The following ADCY10 variants were observed in gnomAD, a reference collection of about 807,000 sequenced individuals.
ADCY10 encodes the protein adenylate cyclase type 10.
Under a neutral mutation model 183.3 loss-of-function variants are expected in ADCY10, and 156 were observed. The ratio of observed to expected loss-of-function variants is 0.85; its 90% CI spans 0.75 to 0.97. The LOEUF is 0.97. Ranked by LOEUF, ADCY10 falls within the 50% of genes least tolerant of loss-of-function variation. The pLI is 0.00. For missense variants in ADCY10, 1,745 were observed against 1,934.3 expected, an observed-to-expected ratio of 0.90 and a Z score of 1.84; for synonymous variants, 645 against 670.0, an observed-to-expected ratio of 0.96 and a Z score of 0.58.
chr1:167,911,310 G>A (rs919889455), intron 1 of ADCY10, among the ~76,000 whole-genome samples: 2 of 152,186 alleles, frequency 1.3e-5, no homozygotes, highest in African/African-American at 4.8e-5. Flanking sequence ...TCAAAGACCT[G>A]TGCTAACATT....
intron 23 of ADCY10, among the ~76,000 whole-genome samples, chr1:167,835,760 T>C (rs980713701): frequency 4.6e-5 from 7 of 152,100 alleles, no homozygotes; most frequent in African/African-American, 1.4e-4. Flanking sequence ...CATGGTGGCA[T>C]ACGTCTGCAG....
At chr1:167,863,154 A>T (rs529942423) in intron 14 of ADCY10, among the ~76,000 whole-genome samples, 15 of 152,294 alleles carry the variant, frequency 9.8e-5, no homozygotes, top group African/African-American at 2.6e-4. Context: ...AAGTGAAATT[A>T]AAGGCAGATA....
intron 30 of ADCY10, chr1:167,819,810 CG>C: frequency 1.7e-6 from 1 of 573,668 alleles, no homozygotes; most frequent in Admixed American, 2.9e-5. Flanking sequence ...GGTGATCTGC[CG>C]GCCTCGGCCT....
intron 19 of ADCY10, among the ~76,000 whole-genome samples, chr1:167,847,145 T>C (rs1327428148): frequency 6.6e-6 from 1 of 151,998 alleles, no homozygotes; most frequent in East Asian, 1.9e-4. Context: ...CAGGCTGGTC[T>C]CGAACTCCTG....
rs1482532266 is a variant in ADCY10 at position 167,883,607 on chromosome 1, C to A, written c.850G>T (p.Gly284Cys). The A allele has an allele frequency of 3.1e-6, 5 of 1,614,016 alleles. No homozygotes were observed. The highest frequency in any genetic ancestry group is 3.4e-6 in the Non-Finnish European group (4 of 1,180,042). Residue 284 changes from glycine (G) to cysteine (C), a missense_variant, in exon 9 of 33, where the codon GGC (glycine) becomes TGC (cysteine). By Grantham distance (159) the Gly-to-Cys change is radical (BLOSUM62 -3). Transcript: ENST00000367851. ...LKQIDNKQLQ[G>C]YLSELRPVTI... is the part of the protein sequence containing the mutation. ...ACTGGGCGAAGCTCAGATAAATAGC[C>A]CTGAAGCTGTTTGTTATCAATCTGC...
At chr1:167,883,961 T>C (rs1220830234) in intron 8 of ADCY10, among the ~76,000 whole-genome samples, 1 of 152,192 alleles carries the variant, frequency 6.6e-6, no homozygotes, top group Non-Finnish European at 1.5e-5. Flanking sequence ...AATTTAAAAT[T>C]TTTTAATTTT....
intron 30 of ADCY10, chr1:167,819,971 GT>G: frequency 7.2e-7 from 1 of 1,379,430 alleles, no homozygotes; most frequent in Non-Finnish European, 1.0e-6. Context: ...TTCTTCCATT[GT>G]TTTGCCACTA....
At chr1:167,886,134 A>G (rs1558234222) in intron 8 of ADCY10, among the ~76,000 whole-genome samples, 1 of 152,174 alleles carries the variant, frequency 6.6e-6, no homozygotes, top group African/African-American at 2.4e-5. Flanking sequence ...AAGGTAATTT[A>G]TAGATTCCAT....
At position 167,874,934 on chromosome 1, in the gene ADCY10, T is replaced by C. The variant is rs140036398; in HGVS notation, c.1462+197A>G. Among the ~76,000 whole-genome samples the C allele has an allele frequency of 5.9e-5, 9 of 152,308 alleles. 1 individual carries two copies. The East Asian group carries it at 1.7e-3, about 29-fold the overall frequency. On this transcript the variant is annotated intron_variant, in intron 13 of 32. Transcript: ENST00000367851. ...TTAAACAGGCATAAGTAATCGAGGG[T>C]GTTAGAAGACTTTGGGGAAAGGAAG...
intron 21 of ADCY10, 69 bp downstream of exon 21, chr1:167,845,494 C>T (rs1182361439): frequency 9.1e-6 from 14 of 1,532,874 alleles, no homozygotes; most frequent in Non-Finnish European, 1.3e-5. Flanking sequence ...TCCACACCCA[C>T]TCCTTCTAGA....
chr1:167,812,008 C>T (rs960943534), intron 31 of ADCY10, among the ~76,000 whole-genome samples: 12 of 152,322 alleles, frequency 7.9e-5, no homozygotes, highest in African/African-American at 2.6e-4. Context: ...TCAGTTTCAG[C>T]TCTTAGCACA....
chr1:167,903,656 C>A (rs1669597602), intron 3 of ADCY10, among the ~76,000 whole-genome samples: 1 of 152,072 alleles, frequency 6.6e-6, no homozygotes, highest in Non-Finnish European at 1.5e-5. Context: ...ATAATTCAGC[C>A]CTCTAACACA....
chr1:167,900,676 G>A (rs961615933), intron 5 of ADCY10, among the ~76,000 whole-genome samples: 1 of 152,058 alleles, frequency 6.6e-6, no homozygotes, highest in Admixed American at 6.6e-5. Flanking sequence ...GAGATTACAG[G>A]CACCCGCCAT....
chr1:167,895,180 CAAAA>C (rs369502605), intron 7 of ADCY10, among the ~76,000 whole-genome samples: 5 of 67,744 alleles, frequency 7.4e-5, no homozygotes, highest in Admixed American at 1.7e-4. Flanking sequence ...GACTCCATCT[CAAAA>C]AAAAAAAAAA....
intron 20 of ADCY10, 54 bp downstream of exon 20, chr1:167,845,930 CT>C: frequency 6.2e-7 from 1 of 1,613,952 alleles, no homozygotes; most frequent in East Asian, 2.2e-5. Context: ...TAGGTCAATT[CT>C]TTGATCTAGA....
In ADCY10 at chr1:167,901,711, C is replaced by T. The variant is rs1383392035; in HGVS notation, c.387G>A (p.Leu129=). 3 of 1,614,224 alleles carry T rather than the reference C, an allele frequency of 1.9e-6. No individual in the cohort carries two copies. The highest frequency in any genetic ancestry group is 3.3e-5 in the Admixed American group (2 of 60,026). ...VIKCSLEIHG[L]FETQEWEEGL... is the part of the protein sequence containing the mutation. Reference sequence around the variant, plus strand: ...CTTCTTCCCACTCCTGGGTCTCAAACAATCCATGGATCTCCAGGCTACATT... The same window carrying T: ...CTTCTTCCCACTCCTGGGTCTCAAATAATCCATGGATCTCCAGGCTACATT... Residue 129 remains leucine (L), a synonymous_variant, in exon 5 of 33, where the codon TTG becomes TTA. Coordinates refer to ENST00000367851, the MANE Select transcript of ADCY10 (RefSeq NM_018417.6).
intron 8 of ADCY10, among the ~76,000 whole-genome samples, chr1:167,885,656 A>G (rs996717438): frequency 2.0e-5 from 3 of 151,792 alleles, no homozygotes; most frequent in African/African-American, 7.3e-5. Context: ...TCACTCTGTC[A>G]CCTGGGCTGG....
At chr1:167,825,794 G>A (rs1055280039) in intron 26 of ADCY10, among the ~76,000 whole-genome samples, 1 of 151,976 alleles carries the variant, frequency 6.6e-6, no homozygotes, top group Non-Finnish European at 1.5e-5. Flanking sequence ...TCTCAAAAAC[G>A]AACAAACAAA....
At position 167,824,869 on chromosome 1, in the gene ADCY10, G is replaced by A; in HGVS notation, c.3751-14C>T. On this transcript the variant is annotated splice_polypyrimidine_tract_variant and intron_variant, in intron 26 of 32. Transcript: ENST00000367851. ...AGCCTTAATGATCTGAAATGGCAGA[G>A]TGGAGGAAGAGTGAGGCAGAACGCA... The A allele has an allele frequency of 1.2e-6, 2 of 1,613,204 alleles. No individual in the cohort carries two copies. The highest frequency in any genetic ancestry group is 1.1e-5 in the South Asian group (1 of 91,062).
Sources: gnomAD v4.1 joint callset for allele counts (sites outside exome capture counted in the v4.1 genomes callset) on GRCh38, gnomAD v4.1.1 for gene constraint, MANE v1.5 for transcripts, NCBI Gene and HGNC (gene_info 2026-07-23, HGNC 2026-07-21) for gene names.